The following DISP2 variants were observed in gnomAD, a reference collection of about 807,000 sequenced individuals.
The protein encoded by DISP2 is dispatched RND transporter family member 2.
DISP2 carries 59 observed loss-of-function variants against 95.5 expected under a neutral mutation model. The ratio of observed to expected loss-of-function variants is 0.62; its 90% confidence interval spans 0.50 to 0.77. The LOEUF is 0.77. Among genes scored for constraint, DISP2 ranks in the 30% least tolerant of loss-of-function variants. DISP2 has a pLI of 0.00. For synonymous variants in DISP2, 827 were observed against 815.0 expected (o/e 1.01, Z -0.25); for missense variants, 1,752 against 1,854.6 (o/e 0.94, Z 1.02).
At chr15:40,360,156 C>A (rs186396685) in intron 1 of DISP2, among the ~76,000 whole-genome samples, 1 of 152,318 alleles carries the variant, frequency 6.6e-6, no homozygotes, top group East Asian at 1.9e-4. Flanking sequence ...CACTTTCCAT[C>A]CCCCTGCCTG....
intron 1 of DISP2, among the ~76,000 whole-genome samples, chr15:40,360,716 A>G (rs2141258393): frequency 6.6e-6 from 1 of 152,264 alleles, no homozygotes; most frequent in South Asian, 2.1e-4. Flanking sequence ...GCTTCCCCTA[A>G]TGCAAAAGAA....
In DISP2 at chr15:40,367,642, C is replaced by A. The variant is rs761111845; in HGVS notation, c.1530C>A (p.Leu510=). 9 of 1,614,076 alleles carry A rather than the reference C, an allele frequency of 5.6e-6. No homozygotes were observed. The highest frequency in any genetic ancestry group is 1.1e-5 in the South Asian group (1 of 91,086). Residue 510 remains leucine, a synonymous_variant, in exon 8 of 8, where the codon CTC becomes CTA. Coordinates refer to ENST00000267889, the MANE Select transcript of DISP2 (RefSeq NM_033510.3). ...FFGMALYLRS[L]FLTLMVLLGV... ...GCATGGCCCTGTACCTGCGCTCACT[C>A]TTCCTCACGCTCATGGTGCTGCTGG...
chr15:40,364,756 G>A (rs1045743518), intron 4 of DISP2, 82 bp from the exon 5 acceptor site: 2 of 1,458,502 alleles, frequency 1.4e-6, no homozygotes, highest in Non-Finnish European at 1.9e-6. Context: ...GCTCTGAGGA[G>A]TCAAAGGGGC....
chr15:40,368,250 T>A lies in DISP2; in HGVS notation c.2138T>A (p.Leu713Gln). The change falls in exon 8 of 8, where the codon CTG becomes CAG. Residue 713 changes from leucine (L) to glutamine (Q), a missense_variant. By Grantham distance (113) the Leu-to-Gln change is moderately radical. This residue lies in a region of DISP2 where 732 missense variants were observed against 714.6 expected (regional missense o/e 1.02). Coordinates refer to ENST00000267889, the MANE Select transcript of DISP2 (RefSeq NM_033510.3). ...RYIWICWFAALAAGGAYIAGV... is the reference protein window; with the variant it reads ...RYIWICWFAAQAAGGAYIAGV... ...ATCTGGATCTGCTGGTTCGCAGCAC[T>A]GGCGGCAGGGGGCGCCTACATCGCC... 1 of 1,610,410 alleles carries A rather than the reference T, an allele frequency of 6.2e-7. No homozygotes were observed. The highest frequency in any genetic ancestry group is 8.5e-7 in the Non-Finnish European group (1 of 1,178,932).
In DISP2 at chr15:40,363,728, A is replaced by C; in HGVS notation, c.223A>C (p.Thr75Pro). The C allele has an allele frequency of 6.2e-7, 1 of 1,613,270 alleles. No individual in the cohort carries two copies. Among genetic ancestry groups the C allele is most frequent in the Non-Finnish European group, 8.5e-7 (1 of 1,179,616 alleles). ...DPSSSSGPPP[T>P]TSTLQPVGPS... is the part of the protein sequence containing the mutation. ...TTCCAGCTCTTCAGGACCCCCACCA[A>C]CAACTTCCACCCTCCAGCCTGTGGG... The change falls in exon 2 of 8, where the codon ACA becomes CCA. Residue 75 changes from threonine (T) to proline (P), a missense_variant. This residue lies in a region of DISP2 where 342 missense variants were observed against 364.3 expected (regional missense o/e 0.94). Coordinates refer to ENST00000267889, the MANE Select transcript of DISP2 (RefSeq NM_033510.3).
In DISP2 at chr15:40,368,432, T is replaced by G. The variant is rs766310524; in HGVS notation, c.2320T>G (p.Leu774Val). The change falls in exon 8 of 8, where the codon TTG (leucine) becomes GTG (valine). Residue 774 changes from leucine to valine, a missense_variant. Coordinates refer to ENST00000267889, the MANE Select transcript of DISP2 (RefSeq NM_033510.3). ...QGEGGHMPVV[L>V]VWGVLPVDTG... is the part of the protein sequence containing the mutation. The stretch of plus-strand genomic sequence containing the variant: ...CGAGGGCGGCCACATGCCCGTGGTT[T>G]TGGTGTGGGGCGTCCTGCCTGTGGA... 3.1e-6 allele frequency: 5 copies of G among 1,609,614 alleles called. No individual in the cohort carries two copies. The South Asian group carries it at 4.4e-5, about 14-fold the overall frequency.
In DISP2 at chr15:40,365,188, G is replaced by A; in HGVS notation, c.761G>A (p.Ser254Asn). ...ACTCTGAGGCCTGCACCCAGAGGCA[G>A]TGCCCAGGAGAGCGCTGTCCGGCCT... ...HNTLRPAPRG[S>N]AQESAVRPRR... Residue 254 changes from serine (S) to asparagine (N), a missense_variant, in exon 6 of 8, where the codon AGT becomes AAT. Transcript: ENST00000267889. 1.2e-6 allele frequency: 2 copies of A among 1,614,208 alleles called. No individual in the cohort carries two copies. Among genetic ancestry groups the A allele is most frequent in the South Asian group, 1.1e-5 (1 of 91,092 alleles).
In DISP2 at chr15:40,363,959, G is replaced by A. The variant is rs766387287; in HGVS notation, c.449+5G>A. On this transcript the variant is annotated splice_donor_5th_base_variant and intron_variant, in intron 2 of 7. Transcript: ENST00000267889. ...GCACCATGTGGTCAGCGTCAGGTAA[G>A]GAGGGGTCCAGCAGCCTGCCAGCTG... is the stretch of plus-strand genomic sequence containing the variant. The A allele has an allele frequency of 2.6e-6, 4 of 1,522,724 alleles. No individual in the cohort carries two copies. Among genetic ancestry groups the A allele is most frequent in the African/African-American group, 1.4e-5 (1 of 72,324 alleles). 94.3% of individuals were successfully genotyped at this position (1,522,724 alleles called of 1,614,324 possible). A position where few individuals can be genotyped will look rare whatever the true frequency, so the allele number is the denominator to read the frequency against.
rs765567087 is a variant in DISP2 at position 40,368,735 on chromosome 15, C to T, written c.2623C>T (p.Leu875=). 2 of 1,613,720 alleles carry T rather than the reference C, an allele frequency of 1.2e-6. No individual in the cohort carries two copies. Among genetic ancestry groups the T allele is most frequent in the Middle Eastern group, 1.6e-4 (1 of 6,062 alleles). Residue 875 remains leucine, a synonymous_variant, in exon 8 of 8, where the codon CTG becomes TTG. Transcript: ENST00000267889. ...PWAPQFFLHC[L]KMMALEQGPD... ...GGCCCCCCAGTTTTTCCTGCACTGCCTGAAAATGATGGCTCTGGAGCAAGG... is the reference window on the plus strand; with the variant it reads ...GGCCCCCCAGTTTTTCCTGCACTGCTTGAAAATGATGGCTCTGGAGCAAGG...
rs1889699856 is a variant in DISP2 at position 40,374,407 on chromosome 15, G to C, written c.*4089G>C. 6.6e-6 allele frequency: 1 copy of C among 151,250 alleles called. No individual in the cohort carries two copies. The highest frequency in any genetic ancestry group is 2.1e-4 in the South Asian group (1 of 4,756). The allele number at this position is 151,250 out of a possible 1,614,324, so 9.4% of individuals were successfully genotyped here. A position where few individuals can be genotyped will look rare whatever the true frequency, so the allele number is the denominator to read the frequency against. On this transcript the variant is annotated 3_prime_UTR_variant, in exon 8 of 8. Coordinates refer to ENST00000267889, the MANE Select transcript of DISP2 (RefSeq NM_033510.3). ...GGCCTCCCAGAGTGCTGGGATTACA[G>C]GCATGAGCCACCGCGCCTGGCCGAG... is the stretch of plus-strand genomic sequence containing the variant.
intron 6 of DISP2, 142 bp downstream of exon 6, chr15:40,365,416 C>T (rs189040418): frequency 4.9e-6 from 7 of 1,441,632 alleles, no homozygotes; most frequent in African/African-American, 1.4e-5. Context: ...AGCCGGGTTA[C>T]AGCTGGGATA....
At chr15:40,363,540 G>A (rs760655189) in intron 1 of DISP2, 85 bp from the exon 2 acceptor site, 22 of 1,014,328 alleles carry the variant, frequency 2.2e-5, no homozygotes, top group Non-Finnish European at 2.8e-5. Context: ...CCCTTGTCTT[G>A]TCTTACTGAA....
intron 1 of DISP2, among the ~76,000 whole-genome samples, chr15:40,359,370 C>T (rs1316917059): frequency 6.6e-6 from 1 of 152,228 alleles, no homozygotes; most frequent in African/African-American, 2.4e-5. Flanking sequence ...GAGAAAGCCC[C>T]ACAAGTAGAG....
chr15:40,367,358 C>T lies in DISP2; in HGVS notation c.1246C>T (p.Leu416Phe), dbSNP rs1177372598. The change falls in exon 8 of 8, where the codon CTT becomes TTT. Residue 416 changes from leucine to phenylalanine, a missense_variant. By Grantham distance (22) the Leu-to-Phe change is conservative. This residue lies in a region of DISP2 where 732 missense variants were observed against 714.6 expected (regional missense o/e 1.02). Transcript: ENST00000267889. Reference protein sequence around the residue: ...SAIYQLLHFLLDRDFLSPQTT... With the variant: ...SAIYQLLHFLFDRDFLSPQTT... ...CATCTACCAACTCCTGCACTTTCTG[C>T]TTGACAGGGACTTTCTGAGTCCCCA... 1.2e-6 allele frequency: 2 copies of T among 1,613,510 alleles called. No individual in the cohort carries two copies. Among genetic ancestry groups the T allele is most frequent in the Non-Finnish European group, 1.7e-6 (2 of 1,179,940 alleles).
chr15:40,368,028 C>G lies in DISP2; in HGVS notation c.1916C>G (p.Ala639Gly). Residue 639 changes from alanine (A) to glycine (G), a missense_variant, in exon 8 of 8, where the codon GCC becomes GGC. By Grantham distance (60) the Ala-to-Gly change is moderately conservative. Transcript: ENST00000267889. Reference sequence around the variant, plus strand: ...GCGCTCACGCTGGTCTGGCTGCCCGCCTCCGCCGTGCTCCACGAGCGCTAC... The same window carrying G: ...GCGCTCACGCTGGTCTGGCTGCCCGGCTCCGCCGTGCTCCACGAGCGCTAC... The part of the protein sequence containing the change: ...HLALTLVWLP[A>G]SAVLHERYLA... 2 of 1,532,508 alleles carry G rather than the reference C, an allele frequency of 1.3e-6. No individual in the cohort carries two copies. Among genetic ancestry groups the G allele is most frequent in the Non-Finnish European group, 1.7e-6 (2 of 1,145,236 alleles). The allele number at this position is 1,532,508 out of a possible 1,614,324, so 94.9% of individuals were successfully genotyped here.
chr15:40,370,706 G>C lies in DISP2; in HGVS notation c.*388G>C, dbSNP rs746112873. The C allele has an allele frequency of 6.3e-6, 3 of 475,546 alleles. No homozygotes were observed. The highest frequency in any genetic ancestry group is 1.2e-5 in the Non-Finnish European group (3 of 240,452). The allele number at this position is 475,546 out of a possible 1,614,324, so 29.5% of individuals were successfully genotyped here. A position where few individuals can be genotyped will look rare whatever the true frequency, so the allele number is the denominator to read the frequency against. On this transcript the variant is annotated 3_prime_UTR_variant, in exon 8 of 8. Coordinates refer to ENST00000267889, the MANE Select transcript of DISP2 (RefSeq NM_033510.3). ...TGAGACTAAGGGACCCCCATCCTAG[G>C]GATCTTGTCAGGGTTCCTTACTGAC...
chr15:40,369,982 G>C lies in DISP2; in HGVS notation c.3870G>C (p.Glu1290Asp), dbSNP rs1249178588. Residue 1290 changes from glutamate to aspartate, a missense_variant, in exon 8 of 8, where the codon GAG becomes GAC. Physicochemically the swap from Glu to Asp is conservative, Grantham distance 45 (BLOSUM62 2). This residue lies in a region of DISP2 where 347 missense variants were observed against 344.2 expected (regional missense o/e 1.01). Coordinates refer to ENST00000267889, the MANE Select transcript of DISP2 (RefSeq NM_033510.3). ...TCTGTTCCTCAGCCAGCACCCTGGA[G>C]GGGCTCAGCGTCTCTGATGAGACCT... The part of the protein sequence containing the change: ...DGFCSSASTL[E>D]GLSVSDETCL... The C allele has an allele frequency of 4.3e-6, 7 of 1,613,496 alleles. No individual in the cohort carries two copies. The highest frequency in any genetic ancestry group is 2.5e-6 in the Non-Finnish European group (3 of 1,179,824).
rs769492125 is a variant in DISP2 at position 40,367,049 on chromosome 15, G to T, written c.946-9G>T. Reference sequence around the variant, plus strand: ...CCCTGAACTCTCCCCTCCTGCGTGTGCCCTACAGATCCGCTCCCATACCAG... The same window carrying T: ...CCCTGAACTCTCCCCTCCTGCGTGTTCCCTACAGATCCGCTCCCATACCAG... On this transcript the variant is annotated splice_polypyrimidine_tract_variant and intron_variant, in intron 7 of 7. Coordinates refer to ENST00000267889, the MANE Select transcript of DISP2 (RefSeq NM_033510.3). 1.2e-6 allele frequency: 2 copies of T among 1,606,322 alleles called. No individual in the cohort carries two copies. The highest frequency in any genetic ancestry group is 2.2e-5 in the South Asian group (2 of 91,068).
chr15:40,361,690 T>C (rs565500547), intron 1 of DISP2, among the ~76,000 whole-genome samples: 1 of 152,370 alleles, frequency 6.6e-6, no homozygotes, highest in Non-Finnish European at 1.5e-5. Context: ...ATGTTTTTCC[T>C]TCCTAGTTCC....
Sources: allele counts gnomAD v4.1 joint callset (sites outside exome capture counted in the v4.1 genomes callset), GRCh38; gene constraint gnomAD v4.1.1; regional missense constraint gnomAD v4.1.1; transcripts MANE v1.5; gene names NCBI Gene and HGNC (gene_info 2026-07-23, HGNC 2026-07-21).